CSMD1: variants seen among roughly 807,000 people sequenced by gnomAD.
The protein encoded by CSMD1 is CUB and Sushi multiple domains 1.
In CSMD1, 213 loss-of-function variants were observed where a neutral mutation model predicts 417.5. The ratio of observed to expected loss-of-function variants is 0.51; its 90% CI spans 0.46 to 0.57. The LOEUF is 0.57. Ranked by LOEUF, CSMD1 falls within the 20% of genes least tolerant of loss-of-function variation. The pLI is 0.00. For synonymous variants in CSMD1, 2,862 were observed against 1,736.8 expected (o/e 1.65, Z -16.11); for missense variants, 6,923 against 4,529.7 (o/e 1.53, Z -15.17).
intron 5 of CSMD1, among the ~76,000 whole-genome samples, chr8:3,955,583 T>G (rs2740855): frequency 6.6e-6 from 1 of 151,966 alleles, no homozygotes; most frequent in African/African-American, 2.4e-5. Context: ...AGGAGATTGG[T>G]GCTACCTGCC....
At chr8:4,196,596 G>C (rs543872625) in intron 3 of CSMD1, among the ~76,000 whole-genome samples, 1 of 152,242 alleles carries the variant, frequency 6.6e-6, no homozygotes, top group African/African-American at 2.4e-5. Context: ...TGGGGTCATA[G>C]CCTTCTTTGT....
chr8:4,125,504 C>T (rs1802711156), intron 3 of CSMD1, among the ~76,000 whole-genome samples: 2 of 152,184 alleles, frequency 1.3e-5, no homozygotes, highest in Admixed American at 1.3e-4. Context: ...GGGTACACGT[C>T]GGCCGGACCT....
chr8:4,070,512 C>G (rs915455278), intron 3 of CSMD1, among the ~76,000 whole-genome samples: 3 of 152,114 alleles, frequency 2.0e-5, no homozygotes, highest in Admixed American at 6.5e-5. Context: ...CGCCCGCCAC[C>G]ACGGCCGGCT....
At chr8:3,831,617 T>C (rs556408226) in intron 5 of CSMD1, among the ~76,000 whole-genome samples, 3 of 152,308 alleles carry the variant, frequency 2.0e-5, no homozygotes, top group Admixed American at 6.5e-5. Flanking sequence ...TAGCTTTTCA[T>C]TGCACTACTT....
chr8:3,104,895 C>G (rs1301453808), intron 46 of CSMD1, among the ~76,000 whole-genome samples: 4 of 152,010 alleles, frequency 2.6e-5, no homozygotes, highest in Non-Finnish European at 4.4e-5. Flanking sequence ...TCAGTAGAGA[C>G]AGGTTTCTCC....
intron 10 of CSMD1, among the ~76,000 whole-genome samples, chr8:3,506,717 G>T (rs1585271230): frequency 1.3e-5 from 2 of 152,180 alleles, no homozygotes; most frequent in African/African-American, 4.8e-5. Context: ...AAGAAAGGAG[G>T]CAATGATTGA....
chr8:3,160,482 C>G (rs994787312), intron 38 of CSMD1, among the ~76,000 whole-genome samples: 1 of 152,298 alleles, frequency 6.6e-6, no homozygotes, highest in East Asian at 1.9e-4. Flanking sequence ...AAAGATTCAG[C>G]CTGAATAGCT....
intron 1 of CSMD1, among the ~76,000 whole-genome samples, chr8:4,901,684 G>A (rs1415580026): frequency 2.0e-5 from 3 of 152,130 alleles, no homozygotes; most frequent in African/African-American, 7.2e-5. Flanking sequence ...AATCCAACTG[G>A]CAGTATGCAT....
At chr8:3,389,391 G>C (rs1244690831) in intron 17 of CSMD1, among the ~76,000 whole-genome samples, 1 of 152,080 alleles carries the variant, frequency 6.6e-6, no homozygotes, top group Non-Finnish European at 1.5e-5. Context: ...TGCTGCATTA[G>C]TTTGCTAAGG....
chr8:3,075,660 G>T (rs1211600850), intron 49 of CSMD1, among the ~76,000 whole-genome samples: 4 of 152,012 alleles, frequency 2.6e-5, no homozygotes, highest in African/African-American at 9.7e-5. Context: ...CTTTATATCA[G>T]TTTTGTGGGT....
At position 4,964,375 on chromosome 8, in the gene CSMD1, C is replaced by T. The variant is rs560907731; in HGVS notation, c.85+29957G>A. Among the ~76,000 whole-genome samples the T allele has an allele frequency of 3.3e-5, 5 of 151,524 alleles. No individual in the cohort carries two copies. In the East Asian group the frequency reaches 5.9e-4, roughly 18 times the overall value. ...AAAAAGTACAAGAAAAAAAATAAGC[C>T]GGGTCTAGTGGCATGCACCTGTAGT... On this transcript the variant is annotated intron_variant, in intron 1 of 69. Transcript: ENST00000635120.
chr8:4,107,227 C>G (rs370474148), intron 3 of CSMD1, among the ~76,000 whole-genome samples: 13 of 152,194 alleles, frequency 8.5e-5, no homozygotes, highest in African/African-American at 3.1e-4. Context: ...CTAGAAGTAG[C>G]TGGCGCCAGA....
chr8:3,279,690 G>T (rs577722281), intron 26 of CSMD1, among the ~76,000 whole-genome samples: 1 of 152,260 alleles, frequency 6.6e-6, no homozygotes, highest in South Asian at 2.1e-4. Context: ...CAGCATGGCT[G>T]GGGAGGCCTC....
At chr8:4,502,937 T>C (rs1388422193) in intron 2 of CSMD1, among the ~76,000 whole-genome samples, 1 of 152,116 alleles carries the variant, frequency 6.6e-6, no homozygotes. Flanking sequence ...GTCTGTTTGG[T>C]CTCTCTGTCT....
chr8:4,107,369 A>G (rs1407661519), intron 3 of CSMD1, among the ~76,000 whole-genome samples: 2 of 152,214 alleles, frequency 1.3e-5, no homozygotes, highest in African/African-American at 4.8e-5. Flanking sequence ...CCTGTAGAGG[A>G]TAAAGTCCTC....
chr8:3,766,179 G>C (rs60982217), intron 5 of CSMD1, among the ~76,000 whole-genome samples: 1 of 151,966 alleles, frequency 6.6e-6, no homozygotes, highest in South Asian at 2.1e-4. Context: ...TCCTGTCCAC[G>C]GAAGGGACAG....
chr8:3,694,232 T>C (rs977903163), intron 7 of CSMD1, among the ~76,000 whole-genome samples: 1 of 152,138 alleles, frequency 6.6e-6, no homozygotes. Flanking sequence ...AGGGAGGCCA[T>C]AGCTCTGTCA....
intron 2 of CSMD1, among the ~76,000 whole-genome samples, chr8:4,479,119 A>T (rs781149822): frequency 6.6e-6 from 1 of 152,204 alleles, no homozygotes; most frequent in Non-Finnish European, 1.5e-5. Flanking sequence ...TCTGGCATAG[A>T]GAAAATTACA....
chr8:3,953,887 C>T (rs775434061), intron 5 of CSMD1, among the ~76,000 whole-genome samples: 2 of 152,180 alleles, frequency 1.3e-5, no homozygotes, highest in Non-Finnish European at 2.9e-5. Flanking sequence ...GCTGTGCAGG[C>T]CCCAGGACTG....
Sources: allele counts gnomAD v4.1 joint callset (sites outside exome capture counted in the v4.1 genomes callset), GRCh38; gene constraint gnomAD v4.1.1; transcripts MANE v1.5; gene names NCBI Gene and HGNC (gene_info 2026-07-23, HGNC 2026-07-21).